The following SNX8 variants were observed in gnomAD, a reference collection of about 807,000 sequenced individuals.
SNX8 encodes sorting nexin 8.
SNX8 carries 25 observed loss-of-function variants against 51.6 expected under a neutral mutation model. That is an observed-to-expected ratio of 0.48 (90% CI 0.35 to 0.68). The LOEUF (loss-of-function observed/expected upper bound fraction) is 0.68, where lower values mean the gene tolerates loss of function less well. SNX8 is among the 30% of genes least tolerant of loss of function. The probability of loss-of-function intolerance (pLI) is 0.00; values close to 1 mark genes in which losing one functional copy is unlikely to be tolerated. For missense variants in SNX8, 695 were observed against 624.0 expected (o/e 1.11, Z -1.21); for synonymous variants, 324 against 277.0 (o/e 1.17, Z -1.68).
At position 2,352,471 on chromosome 7, in the gene SNX8, G is replaced by A. The variant is rs145131912; in HGVS notation, c.-66+1751C>T. Among the ~76,000 whole-genome samples the A allele has an allele frequency of 2.2e-3, 334 of 152,120 alleles. 1 individual carries two copies. Among genetic ancestry groups the A allele is most frequent in the African/African-American group, 7.3e-3 (303 of 41,532 alleles). ...CACATAACTTTTATGACAATATATT[G>A]TTATAATTGTTCTATTAGTTATTGC... On this transcript the variant is annotated intron_variant, in intron 1 of 5. Coordinates refer to the SNX8 transcript ENST00000435336.
intron 5 of SNX8, among the ~76,000 whole-genome samples, chr7:2,265,601 C>T (rs1795445062): frequency 6.6e-6 from 1 of 152,044 alleles, no homozygotes; most frequent in Non-Finnish European, 1.5e-5. Context: ...GCCATGATCA[C>T]AACACTGCAC....
chr7:2,275,275 C>T (rs2115130232), intron 2 of SNX8, 46 bp from the exon 3 acceptor site: 1 of 1,316,968 alleles, frequency 7.6e-7, no homozygotes, highest in South Asian at 1.2e-5. Context: ...GGAAACTATG[C>T]TGTCGCGTCA....
chr7:2,304,481 T>C (rs1562449217), intron 1 of SNX8, among the ~76,000 whole-genome samples: 3 of 151,902 alleles, frequency 2.0e-5, no homozygotes, highest in African/African-American at 2.4e-5. Flanking sequence ...GAGGCGGAGC[T>C]TGCAGCGAGC....
intron 1 of SNX8, chr7:2,299,531 C>T (rs1467900856): frequency 6.6e-6 from 1 of 152,040 alleles, no homozygotes; most frequent in Non-Finnish European, 1.5e-5. Flanking sequence ...GAGGGGAGGC[C>T]CAGCGATTTG....
intron 1 of SNX8, among the ~76,000 whole-genome samples, chr7:2,288,963 C>A (rs533011707): frequency 6.6e-6 from 1 of 152,186 alleles, no homozygotes; most frequent in African/African-American, 2.4e-5. Context: ...TCTCCAACTC[C>A]GAGTCTCAAG....
Position 2,251,912 on chromosome 7 carries a change from G to C in SNX8, c.*3144C>G, listed in dbSNP as rs1795040746. The stretch of plus-strand genomic sequence containing the variant: ...ACATGAACTGACCCGCAAAGCAAGG[G>C]CAAAGGCCTCAGATGCACAGAGCTG... On this transcript the variant is annotated 3_prime_UTR_variant, in exon 11 of 11. Coordinates refer to ENST00000222990, the MANE Select transcript of SNX8 (RefSeq NM_013321.4). The C allele has an allele frequency of 6.6e-6, 1 of 152,286 alleles. No homozygotes were observed. The highest frequency in any genetic ancestry group is 2.4e-5 in the African/African-American group (1 of 41,464). 9.4% of individuals were successfully genotyped at this position (152,286 alleles called of 1,614,324 possible).
intron 1 of SNX8, among the ~76,000 whole-genome samples, chr7:2,293,051 G>C (rs781426572): frequency 6.6e-5 from 10 of 151,198 alleles, no homozygotes; most frequent in Non-Finnish European, 1.3e-4. Context: ...TAACAAAAGA[G>C]ATAAACTGAA....
At chr7:2,292,661 T>G (rs567868729) in intron 1 of SNX8, among the ~76,000 whole-genome samples, 8 of 152,148 alleles carry the variant, frequency 5.3e-5, no homozygotes, top group Non-Finnish European at 1.0e-4. Context: ...TCCACCCGCC[T>G]CGGCCTCCCG....
chr7:2,334,666 C>CT (rs1778792900), intron 1 of SNX8, among the ~76,000 whole-genome samples: 1 of 151,916 alleles, frequency 6.6e-6, no homozygotes, highest in Non-Finnish European at 1.5e-5. Context: ...AGCCACTGCA[C>CT]TCCAGCCTGG....
chr7:2,335,032 C>T (rs1244782685), intron 1 of SNX8, among the ~76,000 whole-genome samples: 1 of 151,864 alleles, frequency 6.6e-6, no homozygotes, highest in Non-Finnish European at 1.5e-5. Flanking sequence ...CCAGTCTCTA[C>T]TAAGAATACA....
intron 1 of SNX8, among the ~76,000 whole-genome samples, chr7:2,285,605 T>A (rs1796009702): frequency 6.6e-6 from 1 of 152,164 alleles, no homozygotes; most frequent in East Asian, 1.9e-4. Flanking sequence ...CATGATCCTC[T>A]CATGCCCAAG....
At chr7:2,282,052 G>C (rs747154707) in intron 1 of SNX8, among the ~76,000 whole-genome samples, 2 of 152,104 alleles carry the variant, frequency 1.3e-5, no homozygotes, top group Non-Finnish European at 2.9e-5. Context: ...CCCTGGGAGG[G>C]AAGCAGCCCC....
chr7:2,288,379 C>A (rs981737740), intron 1 of SNX8: 1 of 162,310 alleles, frequency 6.2e-6, no homozygotes. Context: ...AATTCAGATA[C>A]TGTCTTTGTA....
chr7:2,261,362 G>A (rs1457731024), intron 7 of SNX8, among the ~76,000 whole-genome samples: 1 of 151,918 alleles, frequency 6.6e-6, no homozygotes, highest in Non-Finnish European at 1.5e-5. Flanking sequence ...GAACCCGGGA[G>A]GCAGAGGTTG....
At chr7:2,340,880 A>AC in intron 1 of SNX8, among the ~76,000 whole-genome samples, 1 of 149,806 alleles carries the variant, frequency 6.7e-6, no homozygotes, top group South Asian at 2.1e-4. Context: ...AAAAAAAAAA[A>AC]AAAACTCTAA....
chr7:2,331,785 C>A (rs1778740701), intron 1 of SNX8, among the ~76,000 whole-genome samples: 1 of 151,948 alleles, frequency 6.6e-6, no homozygotes, highest in South Asian at 2.1e-4. Context: ...CAGGCTGAGG[C>A]ACAAGAATTG....
chr7:2,267,849 TCC>T (rs1210325451), intron 5 of SNX8, among the ~76,000 whole-genome samples: 1 of 100,312 alleles, frequency 1.0e-5, no homozygotes, highest in African/African-American at 4.3e-5. Flanking sequence ...CCGGCCGCCA[TCC>T]CATCTAGGAA....
chr7:2,348,790 T>TA lies in SNX8; in HGVS notation c.-66+5431dup, dbSNP rs1240997128. On this transcript the variant is annotated intron_variant, in intron 1 of 5. Coordinates refer to the SNX8 transcript ENST00000435336. ...GTAAAACCCCATCTCCACTAAAAAT[T>TA]AAAAAAAAAAAATTAGACGGGCATA... Among the ~76,000 whole-genome samples the TA allele has an allele frequency of 2.3e-3, 328 of 143,536 alleles. 1 individual carries two copies. Among genetic ancestry groups the TA allele is most frequent in the African/African-American group, 6.2e-3 (245 of 39,472 alleles). The allele number at this position is 143,536 out of a possible 152,430, so 94.2% of individuals were successfully genotyped here. A position where few individuals can be genotyped will look rare whatever the true frequency, so the allele number is the denominator to read the frequency against.
intron 7 of SNX8, among the ~76,000 whole-genome samples, chr7:2,258,619 A>T (rs992508537): frequency 2.0e-5 from 3 of 152,196 alleles, no homozygotes; most frequent in African/African-American, 7.2e-5. Flanking sequence ...AGAGAAACGC[A>T]GGCCTAGGAA....
Sources: gnomAD v4.1 joint callset for allele counts (sites outside exome capture counted in the v4.1 genomes callset) on GRCh38, gnomAD v4.1.1 for gene constraint, MANE v1.5 for transcripts, NCBI Gene and HGNC (gene_info 2026-07-23, HGNC 2026-07-21) for gene names.